The following CTDSP2 variants were observed in gnomAD, a reference collection of about 807,000 sequenced individuals.
The protein encoded by CTDSP2 is carboxy-terminal domain RNA polymerase II polypeptide A small phosphatase 2.
CTDSP2 carries 9 observed loss-of-function variants against 31.6 expected under a neutral mutation model. The ratio of observed to expected loss-of-function variants is 0.28; its 90% CI spans 0.17 to 0.50. The LOEUF is 0.50. CTDSP2 is among the 20% of genes least tolerant of loss of function. The pLI is 0.98. For missense variants in CTDSP2, 267 were observed against 348.5 expected (o/e 0.77, Z 1.86); for synonymous variants, 134 against 134.5 (o/e 1.00, Z 0.03).
At chr12:57,826,760 C>G (rs913741367) in intron 4 of CTDSP2, among the ~76,000 whole-genome samples, 1 of 152,160 alleles carries the variant, frequency 6.6e-6, no homozygotes. Flanking sequence ...GCAGATGCAG[C>G]CTGTTGGGAG....
intron 1 of CTDSP2, among the ~76,000 whole-genome samples, chr12:57,841,246 A>G (rs866284840): frequency 2.6e-4 from 40 of 152,330 alleles, no homozygotes; most frequent in Middle Eastern, 3.4e-3. Flanking sequence ...AAGCAGATCA[A>G]TGCTGCTTTT....
chr12:57,825,025 CT>C (rs1347313404), intron 5 of CTDSP2, among the ~76,000 whole-genome samples: 1 of 152,064 alleles, frequency 6.6e-6, no homozygotes, highest in African/African-American at 2.4e-5. Flanking sequence ...TCTTTATTTA[CT>C]TATTTTTTTT....
At chr12:57,827,144 A>G (rs1360437318) in intron 3 of CTDSP2, 47 bp from the exon 4 acceptor site, 9 of 1,353,662 alleles carry the variant, frequency 6.6e-6, no homozygotes, top group Middle Eastern at 1.9e-4. Context: ...AGAAAGCCCA[A>G]TTGTACCCCT....
chr12:57,842,021 T>G (rs1156471507), intron 1 of CTDSP2, among the ~76,000 whole-genome samples: 4 of 152,118 alleles, frequency 2.6e-5, no homozygotes, highest in Non-Finnish European at 5.9e-5. Context: ...AATGTAAACT[T>G]TAACCACCAT....
rs898802800 is a variant in CTDSP2 at position 57,823,145 on chromosome 12, T to TTC, written c.*455_*456dup. The stretch of plus-strand genomic sequence containing the variant: ...GCCTGGAGTACCCAAAGGCATACCC[T>TTC]TCCTTTATCCTTGGCATAGGCCTTA... On this transcript the variant is annotated 3_prime_UTR_variant, in exon 8 of 8. Coordinates refer to ENST00000398073, the MANE Select transcript of CTDSP2 (RefSeq NM_005730.4). The TTC allele has an allele frequency of 1.2e-5, 2 of 168,340 alleles. No homozygotes were observed. Among genetic ancestry groups the TTC allele is most frequent in the Admixed American group, 1.1e-4 (2 of 17,914 alleles). 10.4% of individuals were successfully genotyped at this position (168,340 alleles called of 1,614,324 possible).
intron 3 of CTDSP2, 178 bp from the exon 4 acceptor site, chr12:57,827,275 G>C (rs925187489): frequency 1.6e-6 from 1 of 633,932 alleles, no homozygotes; most frequent in Middle Eastern, 4.2e-4. Context: ...CAGCCTCCCA[G>C]TGGGACTATT....
chr12:57,846,675 G>C lies in CTDSP2; in HGVS notation c.-240C>G, dbSNP rs1217754498. 2.3e-6 allele frequency: 1 copy of C among 432,634 alleles called. No individual in the cohort carries two copies. The highest frequency in any genetic ancestry group is 4.6e-5 in the Admixed American group (1 of 21,750). The allele number at this position is 432,634 out of a possible 1,614,324, so 26.8% of individuals were successfully genotyped here. A position where few individuals can be genotyped will look rare whatever the true frequency, so the allele number is the denominator to read the frequency against. ...CCCCGGCCCCGATCCCCCAGCGGCA[G>C]CTCCGGGCTCCTCAGTTTGGGTCCA... On this transcript the variant is annotated 5_prime_UTR_variant, in exon 1 of 8. Transcript: ENST00000398073.
In CTDSP2 at chr12:57,823,527, C is replaced by CT. The variant is rs917078474; in HGVS notation, c.*74dup. ...GTGGTGAGGCACTCCAGCTTCTACT[C>CT]TGTCACGCTGATCGTAAAGGCACAG... On this transcript the variant is annotated 3_prime_UTR_variant, in exon 8 of 8. Coordinates refer to ENST00000398073, the MANE Select transcript of CTDSP2 (RefSeq NM_005730.4). 2.6e-6 allele frequency: 4 copies of CT among 1,555,482 alleles called. No homozygotes were observed. Among genetic ancestry groups the CT allele is most frequent in the Non-Finnish European group, 2.6e-6 (3 of 1,144,486 alleles).
In CTDSP2 at chr12:57,823,662, A is replaced by C. The variant is rs1248306023; in HGVS notation, c.756T>G (p.Phe252Leu). The change falls in exon 8 of 8, where the codon TTT becomes TTG. Residue 252 changes from phenylalanine to leucine, a missense_variant. Coordinates refer to ENST00000398073, the MANE Select transcript of CTDSP2 (RefSeq NM_005730.4). Reference protein sequence around the residue: ...DTELLNLIPIFEELSGAEDVY... With the variant: ...DTELLNLIPILEELSGAEDVY... ...CGTCCTCTGCTCCGCTCAGCTCCTC[A>C]AAGATTGGGATCAGGTTCAGCAACT... 6.2e-7 allele frequency: 1 copy of C among 1,614,106 alleles called. No individual in the cohort carries two copies. The highest frequency in any genetic ancestry group is 2.2e-5 in the East Asian group (1 of 44,878).
At chr12:57,826,901 T>G in intron 4 of CTDSP2, 95 bp downstream of exon 4, 1 of 998,428 alleles carries the variant, frequency 1.0e-6, no homozygotes, top group South Asian at 1.5e-5. Context: ...CTAATCACTC[T>G]TCTTTCCTCA....
chr12:57,829,607 G>A lies in CTDSP2; in HGVS notation c.65-11C>T, dbSNP rs769280362. 1.2e-6 allele frequency: 2 copies of A among 1,612,394 alleles called. No homozygotes were observed. Among genetic ancestry groups the A allele is most frequent in the East Asian group, 2.2e-5 (1 of 44,852 alleles). On this transcript the variant is annotated splice_polypyrimidine_tract_variant and intron_variant, in intron 1 of 7. Coordinates refer to ENST00000398073, the MANE Select transcript of CTDSP2 (RefSeq NM_005730.4). ...ACTTGGAGACCAGGCCTAGGGTGGAGAGAATGACAGAGGCTTTAGCTCTAG... is the reference window on the plus strand; with the variant it reads ...ACTTGGAGACCAGGCCTAGGGTGGAAAGAATGACAGAGGCTTTAGCTCTAG...
chr12:57,827,009 T>A lies in CTDSP2; in HGVS notation c.341A>T (p.His114Leu), dbSNP rs749282099. Residue 114 changes from histidine to leucine, a missense_variant, in exon 4 of 8, where the codon CAT (histidine) becomes CTT (leucine). His to Leu is a moderately conservative substitution (Grantham distance 99). Transcript: ENST00000398073. ...ACATTGAGTTACCTTAAAGGAGCTA[T>A]GCACAAGGGTTTCATCGAGGTCAAT... The part of the protein sequence containing the change: ...VVIDLDETLV[H>L]SSFKPINNAD... 6.2e-7 allele frequency: 1 copy of A among 1,612,642 alleles called. No individual in the cohort carries two copies. Among genetic ancestry groups the A allele is most frequent in the East Asian group, 2.2e-5 (1 of 44,884 alleles).
rs578249426 is a variant in CTDSP2 at position 57,834,435 on chromosome 12, C to A, written c.65-4839G>T. On this transcript the variant is annotated intron_variant, in intron 1 of 7. Transcript: ENST00000398073. ...GTCAAAGTTGGAAGGGGTAAAACAG[C>A]ACAAGGCTCTGGGATTCCACTCCAG... 4.7e-4 allele frequency among the ~76,000 whole-genome samples: 72 copies of A among 152,308 alleles called. 1 individual carries two copies. Among genetic ancestry groups the A allele is most frequent in the Non-Finnish European group, 8.4e-4 (57 of 68,026 alleles).
intron 3 of CTDSP2, 51 bp from the exon 4 acceptor site, chr12:57,827,148 T>G: frequency 1.2e-5 from 15 of 1,279,484 alleles, no homozygotes; most frequent in South Asian, 2.4e-5. Context: ...AGCCCAATTG[T>G]ACCCCTTGGC....
chr12:57,845,778 G>C (rs1202986538), intron 1 of CTDSP2, among the ~76,000 whole-genome samples: 1 of 152,036 alleles, frequency 6.6e-6, no homozygotes, highest in Non-Finnish European at 1.5e-5. Context: ...GCTGAGCCGG[G>C]AACCCGCCAC....
At chr12:57,828,666 T>C (rs977107907) in intron 2 of CTDSP2, among the ~76,000 whole-genome samples, 1 of 152,240 alleles carries the variant, frequency 6.6e-6, no homozygotes, top group African/African-American at 2.4e-5. Context: ...AATACTGTCA[T>C]GTTGTATTTT....
At chr12:57,831,103 TAAAAAAAAAA>T (rs11309444) in intron 1 of CTDSP2, among the ~76,000 whole-genome samples, 1 of 121,658 alleles carries the variant, frequency 8.2e-6, no homozygotes, top group Non-Finnish European at 1.7e-5. Context: ...GCCAAGCAGA[TAAAAAAAAAA>T]AAAAAAAAAA....
rs913217133 is a variant in CTDSP2, at chr12:57,843,924, G to A, written c.64+2448C>T. ...CAAATTACATGGGGAGGGGCCGGGC[G>A]CGGTGGCTCACGCCTGTAATCCCAG... On this transcript the variant is annotated intron_variant, in intron 1 of 7. Transcript: ENST00000398073. Among the ~76,000 whole-genome samples, 24 of 151,476 alleles carry A rather than the reference G, an allele frequency of 1.6e-4. 1 individual carries two copies. The highest frequency in any genetic ancestry group is 5.1e-4 in the African/African-American group (21 of 41,176).
intron 1 of CTDSP2, chr12:57,837,150 C>G (rs549415524): frequency 6.6e-6 from 1 of 152,362 alleles, no homozygotes; most frequent in Admixed American, 6.5e-5. Flanking sequence ...CAAGGGGCAT[C>G]TGTTCCTTGG....
Sources: allele counts gnomAD v4.1 joint callset (sites outside exome capture counted in the v4.1 genomes callset), GRCh38; gene constraint gnomAD v4.1.1; transcripts MANE v1.5; gene names NCBI Gene and HGNC (gene_info 2026-07-23, HGNC 2026-07-21).